Variants in LILRA5 observed in about 807,000 individuals in gnomAD.
LILRA5 encodes leukocyte immunoglobulin like receptor A5.
Under a neutral mutation model 36.3 loss-of-function variants are expected in LILRA5, and 31 were observed. That is an observed-to-expected ratio of 0.85 (90% CI 0.64 to 1.15). The LOEUF (loss-of-function observed/expected upper bound fraction) is 1.15. Ranked by LOEUF, LILRA5 falls within the 50% of genes most tolerant of loss-of-function variation. The probability of loss-of-function intolerance (pLI) is 0.00; values close to 1 mark genes in which losing one functional copy is unlikely to be tolerated. For missense variants in LILRA5, 348 were observed against 377.4 expected (o/e 0.92, Z 0.64); for synonymous variants, 144 against 144.8 (o/e 0.99, Z 0.04).
rs1169961082 is a variant in LILRA5, at chr19:54,312,630, A to G, written c.4-9T>C. 1.2e-6 allele frequency: 2 copies of G among 1,613,700 alleles called. No individual in the cohort carries two copies. The highest frequency in any genetic ancestry group is 4.5e-5 in the East Asian group (2 of 44,880). ...GGATGAGACCATGGTGCCTGGCAGGACAGAGAGACACACAGGGTGTGGCAG... is the reference window on the plus strand; with the variant it reads ...GGATGAGACCATGGTGCCTGGCAGGGCAGAGAGACACACAGGGTGTGGCAG... On this transcript the variant is annotated splice_polypyrimidine_tract_variant and intron_variant, in intron 1 of 6. Coordinates refer to ENST00000432233, the MANE Select transcript of LILRA5 (RefSeq NM_021250.4).
chr19:54,308,364 T>A (rs1375878201), intron 5 of LILRA5: 39 of 14,812 alleles, frequency 2.6e-3, no homozygotes, highest in African/African-American at 0.015. Context: ...AATATATATA[T>A]ATATATATAT....
In LILRA5 at chr19:54,307,211, T is replaced by G; in HGVS notation, c.*202A>C. On this transcript the variant is annotated 3_prime_UTR_variant, in exon 7 of 7. Coordinates refer to ENST00000432233, the MANE Select transcript of LILRA5 (RefSeq NM_021250.4). ...GTGAGCCCAGATTGCGCCACTGCAT[T>G]CCAGCCTGGTGACAGAGCAAGACTC... 2.6e-6 allele frequency: 1 copy of G among 382,290 alleles called. No homozygotes were observed. The highest frequency in any genetic ancestry group is 4.2e-6 in the Non-Finnish European group (1 of 240,726). The allele number at this position is 382,290 out of a possible 1,614,324, so 23.7% of individuals were successfully genotyped here.
rs535418284 is a variant in LILRA5 at position 54,312,725 on chromosome 19, C to T, written c.4-104G>A. The T allele has an allele frequency of 4.3e-6, 5 of 1,155,144 alleles. No individual in the cohort carries two copies. In the East Asian group the frequency reaches 1.3e-4, roughly 29 times the overall value. The allele number at this position is 1,155,144 out of a possible 1,614,324, so 71.6% of individuals were successfully genotyped here. A position where few individuals can be genotyped will look rare whatever the true frequency, so the allele number is the denominator to read the frequency against. On this transcript the variant is annotated intron_variant, in intron 1 of 6. Coordinates refer to ENST00000432233, the MANE Select transcript of LILRA5 (RefSeq NM_021250.4). ...GCCCACAGAAAGGGGAACTGCTCTC[C>T]CCAGGAGCCTGGCTCTCATTTCCCC... is the stretch of plus-strand genomic sequence containing the variant.
Position 54,312,112 on chromosome 19 carries a change from C to T in LILRA5, c.161G>A (p.Gly54Asp), listed in dbSNP as rs772133840. The change falls in exon 4 of 7, where the codon GGC (glycine) becomes GAC (aspartate). Residue 54 changes from glycine to aspartate, a missense_variant. By Grantham distance (94) the Gly-to-Asp change is moderately conservative. Transcript: ENST00000432233. ...LSKATLWAEPGSVISRGNSVT... is the reference protein window; with the variant it reads ...LSKATLWAEPDSVISRGNSVT... Reference sequence around the variant, plus strand: ...AGAGTTCCCCCGGCTGATCACAGAGCCTGGCTCAGCCCAGAGGGTGGCTTT... The same window carrying T: ...AGAGTTCCCCCGGCTGATCACAGAGTCTGGCTCAGCCCAGAGGGTGGCTTT... The T allele has an allele frequency of 5.6e-6, 9 of 1,614,016 alleles. No individual in the cohort carries two copies. The East Asian group carries it at 1.8e-4, about 32-fold the overall frequency.
chr19:54,310,113 T>G, intron 5 of LILRA5: 1 of 187,102 alleles, frequency 5.3e-6, no homozygotes, highest in Non-Finnish European at 1.1e-5. Flanking sequence ...ACCCCGCAGG[T>G]GTGGGTGAGG....
intron 6 of LILRA5, 58 bp from the exon 7 acceptor site, chr19:54,307,607 C>T: frequency 1.9e-6 from 3 of 1,612,152 alleles, no homozygotes; most frequent in Non-Finnish European, 2.5e-6. Context: ...TCACCCAGGA[C>T]CCCTGGATGT....
At position 54,307,261 on chromosome 19, in the gene LILRA5, A is replaced by AAG; in HGVS notation, c.*151_*152insCT. ...CCATCTCAAAAAAAAAAAAAAAAAA[A>AAG]AAAAAGAAAGAAAAGAAAAGAAAGA... On this transcript the variant is annotated 3_prime_UTR_variant, in exon 7 of 7. Transcript: ENST00000432233. 1 of 561,718 alleles carries AAG rather than the reference A, an allele frequency of 1.8e-6. No homozygotes were observed. Among genetic ancestry groups the AAG allele is most frequent in the Non-Finnish European group, 2.6e-6 (1 of 378,754 alleles). 34.8% of individuals were successfully genotyped at this position (561,718 alleles called of 1,614,324 possible).
intron 1 of LILRA5, 134 bp downstream of exon 1, chr19:54,312,883 C>T (rs979002827): frequency 2.6e-6 from 3 of 1,137,444 alleles, no homozygotes; most frequent in African/African-American, 3.0e-5. Context: ...CGGGACACAG[C>T]AGCAAATAGA....
rs1479468429 is a variant in LILRA5 at position 54,307,790 on chromosome 19, A to G, written c.713-42T>C. ...GGGAAGGGGAAGGAGAAGTTCTTGA[A>G]GCAATCTGAGCCCAGCCTCTCCCCT... On this transcript the variant is annotated intron_variant, in intron 5 of 6. Transcript: ENST00000432233. The G allele has an allele frequency of 1.9e-6, 3 of 1,555,508 alleles. No individual in the cohort carries two copies. The East Asian group carries it at 6.7e-5, about 35-fold the overall frequency.
chr19:54,307,324 GGC>G lies in LILRA5; in HGVS notation c.*87_*88del, dbSNP rs2080896369. ...GCCAGCAGACAGTCCAGATGGCATA[GGC>G]CTCAGATGGTCTTCCCGAACCTCCT... On this transcript the variant is annotated 3_prime_UTR_variant, in exon 7 of 7. Transcript: ENST00000432233. The G allele has an allele frequency of 1.5e-5, 19 of 1,306,046 alleles. No homozygotes were observed. In the South Asian group the frequency reaches 2.9e-4, roughly 20 times the overall value. 80.9% of individuals were successfully genotyped at this position (1,306,046 alleles called of 1,614,324 possible).
intron 1 of LILRA5, 119 bp from the exon 2 acceptor site, chr19:54,312,740 C>G (rs2081050217): frequency 9.7e-7 from 1 of 1,033,726 alleles, no homozygotes; most frequent in Admixed American, 2.2e-5. Flanking sequence ...GAGCCTGGCT[C>G]TCATTTCCCC....
chr19:54,309,711 G>T (rs1402756779), intron 5 of LILRA5: 1 of 152,172 alleles, frequency 6.6e-6, no homozygotes, highest in Non-Finnish European at 1.5e-5. Context: ...AGGACAATGG[G>T]AGTGGAATTA....
chr19:54,312,806 A>G, intron 1 of LILRA5, 185 bp from the exon 2 acceptor site: 1 of 785,062 alleles, frequency 1.3e-6, no homozygotes, highest in Non-Finnish European at 2.1e-6. Flanking sequence ...CAGACATTTC[A>G]GACAGAAGTG....
At position 54,312,346 on chromosome 19, in the gene LILRA5, T is replaced by C. The variant is rs1293549681; in HGVS notation, c.113A>G (p.His38Arg). The C allele has an allele frequency of 1.9e-6, 3 of 1,614,060 alleles. No individual in the cohort carries two copies. Among genetic ancestry groups the C allele is most frequent in the Admixed American group, 3.3e-5 (2 of 60,002 alleles). Residue 38 changes from histidine (H) to arginine (R), a missense_variant, in exon 3 of 7, where the codon CAC becomes CGC. Coordinates refer to ENST00000432233, the MANE Select transcript of LILRA5 (RefSeq NM_021250.4). ...GGGGACAGACTCACCTGCCTGCACGTGGGTCCTGGGGCCCAGACTCAGCCC... is the reference window on the plus strand; with the variant it reads ...GGGGACAGACTCACCTGCCTGCACGCGGGTCCTGGGGCCCAGACTCAGCCC... The part of the protein sequence containing the change: ...CLGLSLGPRT[H>R]VQAGNLSKAT...
At chr19:54,311,813 C>T (rs778344200) in intron 4 of LILRA5, 51 bp downstream of exon 4, 1 of 1,613,466 alleles carries the variant, frequency 6.2e-7, no homozygotes, top group East Asian at 2.2e-5. Flanking sequence ...GAGAGCCGAC[C>T]CCCTTCCTGA....
Position 54,307,418 on chromosome 19 carries a change from T to C in LILRA5, c.895A>G (p.Arg299Gly). ...TGCATTGTTCTCTCTTCTGTTCACC[T>C]TCCAGCTGCAGCTTGGGGGCTTCTC... ...SQRSPQAAAG[R>G] is the part of the protein sequence containing the mutation. The change falls in exon 7 of 7, where the codon AGG (arginine) becomes GGG (glycine). Residue 299 changes from arginine to glycine, a missense_variant. Physicochemically the swap from Arg to Gly is moderately radical, Grantham distance 125 (BLOSUM62 -2). Transcript: ENST00000432233. 1 of 1,609,898 alleles carries C rather than the reference T, an allele frequency of 6.2e-7. No individual in the cohort carries two copies. Among genetic ancestry groups the C allele is most frequent in the South Asian group, 1.1e-5 (1 of 90,384 alleles).
intron 1 of LILRA5, 55 bp from the exon 2 acceptor site, chr19:54,312,676 T>C: frequency 6.5e-7 from 1 of 1,534,676 alleles, no homozygotes; most frequent in Middle Eastern, 1.7e-4. Flanking sequence ...GGGTCCTTCT[T>C]GTCATAGGAT....
In LILRA5 at chr19:54,313,012, C is replaced by G. The variant is rs1160157611; in HGVS notation, c.3+5G>C. ...TCCATGAGCTCAGCGTTGCGGGGTCCTTACCATGGTCAGTGATTTTTCAGC... is the reference window on the plus strand; with the variant it reads ...TCCATGAGCTCAGCGTTGCGGGGTCGTTACCATGGTCAGTGATTTTTCAGC... On this transcript the variant is annotated splice_donor_5th_base_variant and intron_variant, in intron 1 of 6. Coordinates refer to ENST00000432233, the MANE Select transcript of LILRA5 (RefSeq NM_021250.4). The G allele has an allele frequency of 6.2e-7, 1 of 1,614,108 alleles. No homozygotes were observed. The highest frequency in any genetic ancestry group is 8.5e-7 in the Non-Finnish European group (1 of 1,180,030).
At chr19:54,310,851 G>A in intron 5 of LILRA5, 1 of 248,884 alleles carries the variant, frequency 4.0e-6, no homozygotes, top group Admixed American at 5.1e-5. Flanking sequence ...GGGTCAGGAG[G>A]GAGGGCTTTC....
Sources: gnomAD v4.1 joint callset for allele counts on GRCh38, gnomAD v4.1.1 for gene constraint, MANE v1.5 for transcripts, NCBI Gene and HGNC (gene_info 2026-07-23, HGNC 2026-07-21) for gene names.